The following GNAI1 variants were observed in gnomAD, a reference collection of about 807,000 sequenced individuals.
GNAI1 encodes G protein subunit alpha i1, also known as guanine nucleotide-binding protein G(i) subunit alpha-1.
Under a neutral mutation model 38.9 loss-of-function variants are expected in GNAI1, and 11 were observed. The observed-to-expected ratio is 0.28, with a 90% CI of 0.18 to 0.47. GNAI1 has a LOEUF of 0.47. Ranked by LOEUF, GNAI1 falls within the 20% of genes least tolerant of loss-of-function variation. GNAI1 has a pLI of 0.99. For synonymous variants in GNAI1, 166 were observed against 145.1 expected (o/e 1.14, Z -1.04); for missense variants, 317 against 436.9 (o/e 0.73, Z 2.45).
intron 1 of GNAI1, among the ~76,000 whole-genome samples, chr7:80,159,993 G>GTCAAC (rs1787893054): frequency 6.6e-6 from 1 of 152,098 alleles, no homozygotes; most frequent in African/African-American, 2.4e-5. Flanking sequence ...TCTCTGAGTT[G>GTCAAC]GTTGTATCAC....
chr7:80,182,235 TTCA>T lies in GNAI1; in HGVS notation c.119-6714_119-6712del, dbSNP rs1472747828. Among the ~76,000 whole-genome samples, 11 of 152,322 alleles carry T rather than the reference TTCA, an allele frequency of 7.2e-5. No homozygotes were observed. In the East Asian group the frequency reaches 2.1e-3, roughly 29 times the overall value. Reference sequence around the variant, plus strand: ...TTGTGTATATATACACAACATTTTCTTCATTCATCTCTTGACAGATAATTTAGA... The same window carrying T: ...TTGTGTATATATACACAACATTTTCTTTCATCTCTTGACAGATAATTTAGA... On this transcript the variant is annotated intron_variant, in intron 1 of 7. Transcript: ENST00000649796.
intron 6 of GNAI1, among the ~76,000 whole-genome samples, chr7:80,212,262 C>T (rs1028039635): frequency 6.6e-6 from 1 of 152,074 alleles, no homozygotes; most frequent in Non-Finnish European, 1.5e-5. Flanking sequence ...TTGGAAGTGT[C>T]CTTCCAGTAT....
At chr7:80,156,647 T>C (rs1364942002) in intron 1 of GNAI1, among the ~76,000 whole-genome samples, 1 of 152,166 alleles carries the variant, frequency 6.6e-6, no homozygotes, top group Non-Finnish European at 1.5e-5. Flanking sequence ...TTTCCCAGGC[T>C]GGTCTTAAAC....
In GNAI1 at chr7:80,224,495, G is replaced by A. The variant is rs1789127490; in HGVS notation, c.*7002G>A. Reference sequence around the variant, plus strand: ...CTTCAAAATCCAGTGTCATTTCTTAGCCATATCTTCAAAATCCAATGGCAT... The same window carrying A: ...CTTCAAAATCCAGTGTCATTTCTTAACCATATCTTCAAAATCCAATGGCAT... On this transcript the variant is annotated 3_prime_UTR_variant, in exon 8 of 8. Coordinates refer to ENST00000649796, the MANE Select transcript of GNAI1 (RefSeq NM_002069.6). 1.3e-5 allele frequency among the ~76,000 whole-genome samples: 2 copies of A among 152,122 alleles called. No individual in the cohort carries two copies. Among genetic ancestry groups the A allele is most frequent in the African/African-American group, 4.8e-5 (2 of 41,414 alleles).
Position 80,218,213 on chromosome 7 carries a change from G to A in GNAI1, c.*720G>A, listed in dbSNP as rs1039563026. ...AATTTAATTTTACATTAGATTCCAC[G>A]TTAGATTTGGTTTGAAAAACTAAAA... is the stretch of plus-strand genomic sequence containing the variant. On this transcript the variant is annotated 3_prime_UTR_variant, in exon 8 of 8. Coordinates refer to ENST00000649796, the MANE Select transcript of GNAI1 (RefSeq NM_002069.6). The A allele has an allele frequency of 6.6e-5, 10 of 151,934 alleles. No homozygotes were observed. The highest frequency in any genetic ancestry group is 2.0e-4 in the Admixed American group (3 of 15,246). 9.4% of individuals were successfully genotyped at this position (151,934 alleles called of 1,614,324 possible).
At chr7:80,161,249 C>A (rs1421259033) in intron 1 of GNAI1, among the ~76,000 whole-genome samples, 2 of 152,002 alleles carry the variant, frequency 1.3e-5, no homozygotes, top group Non-Finnish European at 2.9e-5. Flanking sequence ...TTCTCACAAC[C>A]CTTTTACGTA....
intron 4 of GNAI1, among the ~76,000 whole-genome samples, chr7:80,201,885 C>T (rs1788691099): frequency 6.6e-6 from 1 of 152,084 alleles, no homozygotes; most frequent in Admixed American, 6.6e-5. Flanking sequence ...TAGAGGGCAT[C>T]GTGATCTATG....
chr7:80,200,212 T>TA (rs1788655122), intron 4 of GNAI1, among the ~76,000 whole-genome samples: 2 of 149,216 alleles, frequency 1.3e-5, no homozygotes, highest in Admixed American at 1.4e-4. Context: ...TGGTCCCAGT[T>TA]ACTCAGCGGG....
intron 1 of GNAI1, among the ~76,000 whole-genome samples, chr7:80,168,382 T>G (rs866353729): frequency 1.5e-4 from 22 of 151,510 alleles, no homozygotes; most frequent in Admixed American, 1.4e-3. Context: ...TTTAATTATT[T>G]TATTTATTTA....
At chr7:80,195,994 T>TAGA (rs1788562973) in intron 3 of GNAI1, among the ~76,000 whole-genome samples, 1 of 151,920 alleles carries the variant, frequency 6.6e-6, no homozygotes. Flanking sequence ...TAAAGTCTTC[T>TAGA]CCTCCCATCC....
intron 1 of GNAI1, among the ~76,000 whole-genome samples, chr7:80,175,347 T>C (rs1788163121): frequency 6.7e-6 from 1 of 148,814 alleles, no homozygotes; most frequent in East Asian, 2.0e-4. Context: ...AATTAAAAAA[T>C]ATATATGTGT....
intron 7 of GNAI1, among the ~76,000 whole-genome samples, chr7:80,214,776 TCTC>T (rs905072264): frequency 2.8e-4 from 43 of 152,264 alleles, no homozygotes; most frequent in African/African-American, 9.1e-4. Flanking sequence ...GTGTTACCCT[TCTC>T]CTCCTCTTCT....
chr7:80,186,492 GT>G (rs200401132), intron 1 of GNAI1, among the ~76,000 whole-genome samples: 2 of 150,320 alleles, frequency 1.3e-5, no homozygotes, highest in South Asian at 2.1e-4. Context: ...AGGAAAATTT[GT>G]TTTTTTTTCT....
At chr7:80,217,228 A>ATGAAACTGACTTCAGTTTCATATGTC in intron 7 of GNAI1, 75 bp from the exon 8 acceptor site, 3 of 988,056 alleles carry the variant, frequency 3.0e-6, no homozygotes, top group Non-Finnish European at 3.0e-6. Flanking sequence ...TTTCATATGT[A>ATGAAACTGACTTCAGTTTCATATGTC]TGAAACTGAA....
At chr7:80,203,525 G>T (rs189680066) in intron 4 of GNAI1, among the ~76,000 whole-genome samples, 179 bp from the exon 5 acceptor site, 2 of 151,890 alleles carry the variant, frequency 1.3e-5, no homozygotes, top group Non-Finnish European at 2.9e-5. Flanking sequence ...TTTTATTTCC[G>T]TGGGAGTTTG....
At chr7:80,152,864 C>G (rs995652804) in intron 1 of GNAI1, among the ~76,000 whole-genome samples, 3 of 151,902 alleles carry the variant, frequency 2.0e-5, no homozygotes, top group African/African-American at 7.3e-5. Context: ...AGCCACTGCA[C>G]CCGGCCAGAT....
At chr7:80,216,346 T>A (rs190265520) in intron 7 of GNAI1, among the ~76,000 whole-genome samples, 35 of 151,824 alleles carry the variant, frequency 2.3e-4, no homozygotes, top group African/African-American at 7.0e-4. Context: ...CATAACACAA[T>A]CACAACCCAT....
intron 1 of GNAI1, among the ~76,000 whole-genome samples, chr7:80,146,041 C>G (rs967216764): frequency 6.6e-6 from 1 of 152,148 alleles, no homozygotes; most frequent in Admixed American, 6.6e-5. Flanking sequence ...AAGGTCAGCT[C>G]AGGCATTCCC....
At chr7:80,145,858 G>A (rs925612381) in intron 1 of GNAI1, among the ~76,000 whole-genome samples, 10 of 152,036 alleles carry the variant, frequency 6.6e-5, no homozygotes, top group South Asian at 4.1e-4. Flanking sequence ...TTTCAATCTC[G>A]TGGATGCTGT....
Sources: allele counts gnomAD v4.1 joint callset (sites outside exome capture counted in the v4.1 genomes callset), GRCh38; gene constraint gnomAD v4.1.1; transcripts MANE v1.5; gene names NCBI Gene and HGNC (gene_info 2026-07-23, HGNC 2026-07-21).